Variants in HDAC4 observed in about 807,000 individuals in gnomAD.
HDAC4 encodes histone deacetylase 4.
In HDAC4, 16 loss-of-function variants were observed where a neutral mutation model predicts 135.1. The ratio of observed to expected loss-of-function variants is 0.12; its 90% CI spans 0.08 to 0.18. The LOEUF (loss-of-function observed/expected upper bound fraction) is 0.18. Among genes scored for constraint, HDAC4 ranks in the 10% least tolerant of loss-of-function variants. HDAC4 has a pLI of 1.00. For synonymous variants in HDAC4, 685 were observed against 653.4 expected, an observed-to-expected ratio of 1.05 and a Z score of -0.74; for missense variants, 1,143 against 1,511.8, an observed-to-expected ratio of 0.76 and a Z score of 4.05.
At chr2:239,236,116 TG>T (rs1458508119) in intron 3 of HDAC4, among the ~76,000 whole-genome samples, 1 of 152,224 alleles carries the variant, frequency 6.6e-6, no homozygotes, top group African/African-American at 2.4e-5. Flanking sequence ...TACTTTTTTT[TG>T]TTAAAGAGCT....
In HDAC4 at chr2:239,115,123, T is replaced by C. The variant is rs756250457; in HGVS notation, c.1721A>G (p.Glu574Gly). ...CTCCACCTCCCGTGGGGGCTCTGCC[T>C]CTTCCTCATCGCTCTCAATGGGCTC... Reference protein sequence around the residue: ...KQEPIESDEEEAEPPREVEPG... With the variant: ...KQEPIESDEEGAEPPREVEPG... The change falls in exon 13 of 27, where the codon GAG (glutamate) becomes GGG (glycine). Residue 574 changes from glutamate (E) to glycine (G), a missense_variant. Around this residue, in one of 9 missense-constraint regions of HDAC4, gnomAD observed 196 missense variants for 210.7 expected, o/e 0.93. Transcript: ENST00000543185. This position sits in a 1 kb window ranked among gnomAD's most constrained non-coding sequence, Gnocchi z 6.3. The C allele has an allele frequency of 2.5e-6, 4 of 1,611,898 alleles. No individual in the cohort carries two copies. Among genetic ancestry groups the C allele is most frequent in the Non-Finnish European group, 3.4e-6 (4 of 1,179,940 alleles).
chr2:239,291,119 A>G (rs2051464930), intron 2 of HDAC4, among the ~76,000 whole-genome samples: 1 of 152,212 alleles, frequency 6.6e-6, no homozygotes, highest in Non-Finnish European at 1.5e-5. Flanking sequence ...CAGAAATCCA[A>G]GTTCCCAACA....
intron 14 of HDAC4, among the ~76,000 whole-genome samples, chr2:239,110,622 C>T (rs1400690217): frequency 1.3e-5 from 2 of 152,224 alleles, no homozygotes; most frequent in Non-Finnish European, 1.5e-5. Context: ...GTGAGAACCT[C>T]GCAGACTGCA....
At chr2:239,235,429 C>G (rs1449660273) in intron 3 of HDAC4, among the ~76,000 whole-genome samples, 2 of 152,254 alleles carry the variant, frequency 1.3e-5, no homozygotes, top group African/African-American at 4.8e-5. Flanking sequence ...CCGGAGGGCA[C>G]AGGCGGCAGC....
At chr2:239,100,534 CCT>C (rs1225053825) in intron 16 of HDAC4, among the ~76,000 whole-genome samples, 2 of 152,190 alleles carry the variant, frequency 1.3e-5, no homozygotes, top group East Asian at 1.9e-4. Context: ...GCCTCCTTCC[CCT>C]GTGTGGCTCC....
chr2:239,236,526 G>T, intron 3 of HDAC4, 67 bp downstream of exon 3: 1 of 1,275,412 alleles, frequency 7.8e-7, no homozygotes, highest in Non-Finnish European at 1.1e-6. Flanking sequence ...CAATAAGGCA[G>T]AGCGTCTGAA....
chr2:239,269,923 A>G (rs1331915435), intron 2 of HDAC4, among the ~76,000 whole-genome samples: 1 of 152,252 alleles, frequency 6.6e-6, no homozygotes, highest in Non-Finnish European at 1.5e-5. Context: ...TGTTAATTGC[A>G]CATTATCATG....
At chr2:239,279,502 G>C (rs2050583870) in intron 2 of HDAC4, among the ~76,000 whole-genome samples, 1 of 152,232 alleles carries the variant, frequency 6.6e-6, no homozygotes, top group African/African-American at 2.4e-5. Flanking sequence ...CTCTGCCTCT[G>C]AAGTCTGTCC....
intron 16 of HDAC4, among the ~76,000 whole-genome samples, chr2:239,100,770 C>T (rs367930193): frequency 2.0e-5 from 3 of 152,226 alleles, no homozygotes; most frequent in East Asian, 1.9e-4. Flanking sequence ...TCTGCTTGGA[C>T]GGTAAAGGTC....
chr2:239,298,138 A>G (rs1212297763), intron 2 of HDAC4: 1 of 1,179,560 alleles, frequency 8.5e-7, no homozygotes, highest in African/African-American at 1.6e-5. Context: ...CATAAACAAG[A>G]AATTCCAAAC....
chr2:239,270,625 G>A (rs1272252182), intron 2 of HDAC4, among the ~76,000 whole-genome samples: 2 of 152,334 alleles, frequency 1.3e-5, no homozygotes, highest in Admixed American at 1.3e-4. Context: ...CCACTCCCTT[G>A]TTCCAAACAA....
intron 19 of HDAC4, among the ~76,000 whole-genome samples, chr2:239,084,841 C>T (rs573412985): frequency 6.0e-5 from 9 of 151,194 alleles, no homozygotes; most frequent in South Asian, 2.1e-4. Context: ...ACCATGCAAA[C>T]GCCCTACACA....
intron 7 of HDAC4, among the ~76,000 whole-genome samples, chr2:239,150,294 C>T (rs1352299914): frequency 1.3e-5 from 2 of 151,852 alleles, no homozygotes; most frequent in African/African-American, 2.4e-5. Flanking sequence ...CACACAGGTA[C>T]ATACACAGAT....
chr2:239,399,046 G>A (rs1486890314), intron 1 of HDAC4, among the ~76,000 whole-genome samples: 1 of 152,206 alleles, frequency 6.6e-6, no homozygotes, highest in Non-Finnish European at 1.5e-5. Context: ...TTTAAGGCAT[G>A]AAAATACTTC....
chr2:239,221,004 C>T (rs2046919448), intron 3 of HDAC4, among the ~76,000 whole-genome samples: 2 of 152,142 alleles, frequency 1.3e-5, no homozygotes, highest in Non-Finnish European at 1.5e-5. Context: ...ACCACGAAGA[C>T]CTCCCTCCCA....
chr2:239,321,429 C>T (rs887003075), intron 2 of HDAC4, among the ~76,000 whole-genome samples: 4 of 131,000 alleles, frequency 3.1e-5, no homozygotes, highest in Non-Finnish European at 4.6e-5. Context: ...AGCGCCACTG[C>T]ACTCCAGCCT....
At chr2:239,084,406 C>G (rs1331590659) in intron 19 of HDAC4, among the ~76,000 whole-genome samples, 164 bp from the exon 20 acceptor site, 2 of 151,976 alleles carry the variant, frequency 1.3e-5, no homozygotes, top group Non-Finnish European at 2.9e-5. Context: ...GCCGGAGAAT[C>G]GGTTAACAGA....
At chr2:239,193,744 G>A (rs1302782692) in intron 3 of HDAC4, among the ~76,000 whole-genome samples, 1 of 152,256 alleles carries the variant, frequency 6.6e-6, no homozygotes, top group East Asian at 1.9e-4. Flanking sequence ...AAGTGGGGAA[G>A]GCGGGGCAGG....
In HDAC4 at chr2:239,068,615, G is replaced by A. The variant is rs781317112; in HGVS notation, c.2751-8C>T. On this transcript the variant is annotated splice_polypyrimidine_tract_variant and splice_region_variant and intron_variant, in intron 22 of 26. Coordinates refer to ENST00000543185, the MANE Select transcript of HDAC4 (RefSeq NM_001378414.1). The surrounding 1 kb of genome is among the most constrained non-coding windows in gnomAD (Gnocchi z 4.4). Reference sequence around the variant, plus strand: ...ATCGGCATGACCACCGTTCTGCAAAGGACAGGAGAAGGCGTTACTGGGTCA... The same window carrying A: ...ATCGGCATGACCACCGTTCTGCAAAAGACAGGAGAAGGCGTTACTGGGTCA... 5.6e-6 allele frequency: 9 copies of A among 1,610,830 alleles called. No homozygotes were observed. Among genetic ancestry groups the A allele is most frequent in the Non-Finnish European group, 7.6e-6 (9 of 1,177,284 alleles).
Sources: allele counts gnomAD v4.1 joint callset (sites outside exome capture counted in the v4.1 genomes callset), GRCh38; gene constraint gnomAD v4.1.1; regional missense constraint gnomAD v4.1.1; non-coding constraint Gnocchi (gnomAD v3.1); transcripts MANE v1.5; gene names NCBI Gene and HGNC (gene_info 2026-07-23, HGNC 2026-07-21).